Variants in GREB1L observed in about 807,000 individuals in gnomAD.
GREB1L encodes GREB1 like retinoic acid receptor coactivator.
GREB1L carries 17 observed loss-of-function variants against 200.8 expected under a neutral mutation model. That is an observed-to-expected ratio of 0.08 (90% CI 0.06 to 0.13). The LOEUF (loss-of-function observed/expected upper bound fraction) is 0.13, where lower values mean the gene tolerates loss of function less well. Among genes scored for constraint, GREB1L ranks in the 10% least tolerant of loss-of-function variants. The pLI is 1.00. For synonymous variants in GREB1L, 789 were observed against 893.0 expected (o/e 0.88, Z 2.08); for missense variants, 1,657 against 2,367.7 (o/e 0.70, Z 6.23).
chr18:21,404,070 G>A, intron 7 of GREB1L, 76 bp downstream of exon 7: 1 of 1,288,148 alleles, frequency 7.8e-7, no homozygotes, highest in Non-Finnish European at 1.1e-6. Context: ...TATACTTACT[G>A]CTGGCTGGTT....
chr18:21,476,671 C>A (rs533628973), intron 16 of GREB1L, among the ~76,000 whole-genome samples: 1 of 152,080 alleles, frequency 6.6e-6, no homozygotes, highest in South Asian at 2.1e-4. Flanking sequence ...CTGGTTCAAG[C>A]AATTCTCCTG....
intron 15 of GREB1L, among the ~76,000 whole-genome samples, chr18:21,465,906 C>T (rs1317781195): frequency 6.6e-6 from 1 of 152,178 alleles, no homozygotes; most frequent in Non-Finnish European, 1.5e-5. Flanking sequence ...TAATGTCCCT[C>T]TCTTTTCAAA....
intron 1 of GREB1L, among the ~76,000 whole-genome samples, chr18:21,279,631 ATGGGGTCTTGCTGTGTTCATTTTAAGAGG>A (rs1247057479): frequency 6.6e-6 from 1 of 152,164 alleles, no homozygotes; most frequent in African/African-American, 2.4e-5. Flanking sequence ...TCTTAAAGAA[ATGGGGTCTTGCTGTGTTCATTTTAAGAGG>A]TGGGGTCTTG....
At chr18:21,262,510 T>C (rs1412835218) in intron 1 of GREB1L, among the ~76,000 whole-genome samples, 2 of 152,210 alleles carry the variant, frequency 1.3e-5, no homozygotes, top group Non-Finnish European at 2.9e-5. Context: ...ACTTCTGCTT[T>C]CCCAAACAGT....
intron 1 of GREB1L, among the ~76,000 whole-genome samples, chr18:21,325,813 CA>C (rs60239796): frequency 0.023 from 940 of 41,542 alleles, 1 homozygote; most frequent in African/African-American, 0.028. Context: ...GACCTTGTCT[CA>C]AAAAAAAAAA....
intron 5 of GREB1L, 41 bp downstream of exon 5, chr18:21,395,602 G>T: frequency 7.2e-7 from 1 of 1,386,924 alleles, no homozygotes; most frequent in Non-Finnish European, 9.8e-7. Flanking sequence ...CAATATGAGG[G>T]AGTTAAAATA....
At chr18:21,425,385 G>T (rs2032483827) in intron 7 of GREB1L, among the ~76,000 whole-genome samples, 1 of 152,188 alleles carries the variant, frequency 6.6e-6, no homozygotes, top group Non-Finnish European at 1.5e-5. Flanking sequence ...TTGGCTGGAT[G>T]CGTGTTTTCC....
At chr18:21,384,517 G>A in intron 4 of GREB1L, 114 bp downstream of exon 4, 1 of 793,968 alleles carries the variant, frequency 1.3e-6, no homozygotes, top group Non-Finnish European at 2.0e-6. Flanking sequence ...CGTATGGAGA[G>A]GAATGAGAAA....
rs538596808 is a variant in GREB1L, at chr18:21,433,357, A to G, written c.833-6164A>G. Among the ~76,000 whole-genome samples, 256 of 152,294 alleles carry G rather than the reference A, an allele frequency of 1.7e-3. 2 individuals carry two copies. The highest frequency in any genetic ancestry group is 5.9e-3 in the African/African-American group (247 of 41,562). On this transcript the variant is annotated intron_variant, in intron 7 of 32. Coordinates refer to ENST00000424526, the MANE Select transcript of GREB1L (RefSeq NM_001142966.3). The stretch of plus-strand genomic sequence containing the variant: ...TTTTAAAAATATAAGATGAATTATC[A>G]CTCTTCAAATTAGGGATATGCTAAA...
At chr18:21,504,393 A>T (rs1380807766) in intron 23 of GREB1L, among the ~76,000 whole-genome samples, 1 of 152,198 alleles carries the variant, frequency 6.6e-6, no homozygotes, top group Non-Finnish European at 1.5e-5. Context: ...AACTCTAGCC[A>T]GGTGTGATGG....
intron 7 of GREB1L, 56 bp from the exon 8 acceptor site, chr18:21,439,465 A>G: frequency 9.6e-7 from 1 of 1,038,508 alleles, no homozygotes; most frequent in South Asian, 1.4e-5. Flanking sequence ...AGCATCCCAG[A>G]AAGCAGTGCC....
chr18:21,307,225 A>C (rs2038714755), intron 1 of GREB1L, among the ~76,000 whole-genome samples: 1 of 152,150 alleles, frequency 6.6e-6, no homozygotes, highest in Non-Finnish European at 1.5e-5. Flanking sequence ...GTTCTGCTAC[A>C]TTCTCTCACA....
At chr18:21,356,661 C>T (rs2039509160) in intron 1 of GREB1L, among the ~76,000 whole-genome samples, 1 of 152,144 alleles carries the variant, frequency 6.6e-6, no homozygotes, top group South Asian at 2.1e-4. Context: ...TTCAGGATCC[C>T]AGTATCATTT....
At position 21,454,514 on chromosome 18, in the gene GREB1L, C is replaced by G; in HGVS notation, c.2133C>G (p.Pro711=). The change falls in exon 15 of 33, where the codon CCC becomes CCG. Residue 711 remains proline (P), a synonymous_variant. Coordinates refer to ENST00000424526, the MANE Select transcript of GREB1L (RefSeq NM_001142966.3). ...FSKVDFIIIV[P]RSEVLVQQTL... ...AAGTAGACTTCATCATCATTGTTCC[C>G]AGATCGGAGGTGTTGGTTCAGCAAA... is the stretch of plus-strand genomic sequence containing the variant. 6.4e-7 allele frequency: 1 copy of G among 1,551,618 alleles called. No homozygotes were observed. The highest frequency in any genetic ancestry group is 8.7e-7 in the Non-Finnish European group (1 of 1,146,968).
At chr18:21,486,198 C>G (rs926759061) in intron 18 of GREB1L, among the ~76,000 whole-genome samples, 8 of 151,974 alleles carry the variant, frequency 5.3e-5, no homozygotes, top group African/African-American at 1.9e-4. Flanking sequence ...ACTAAAAATA[C>G]GAAAAATTAG....
At chr18:21,502,359 A>G (rs935351057) in intron 23 of GREB1L, among the ~76,000 whole-genome samples, 7 of 152,080 alleles carry the variant, frequency 4.6e-5, no homozygotes, top group African/African-American at 1.7e-4. Flanking sequence ...AAGTAGAGGC[A>G]ACCAGGCGGA....
intron 1 of GREB1L, among the ~76,000 whole-genome samples, chr18:21,360,247 C>G (rs1382506471): frequency 6.6e-6 from 1 of 152,214 alleles, no homozygotes; most frequent in Admixed American, 6.5e-5. Context: ...GAGACGAAGT[C>G]TCGCTCTGTC....
intron 1 of GREB1L, among the ~76,000 whole-genome samples, chr18:21,345,315 C>T (rs2143108054): frequency 6.6e-6 from 1 of 152,304 alleles, no homozygotes; most frequent in Admixed American, 6.5e-5. Flanking sequence ...TCATCCACCC[C>T]AGTTTGCCTG....
At chr18:21,310,622 G>C (rs1267489214) in intron 1 of GREB1L, among the ~76,000 whole-genome samples, 2 of 152,042 alleles carry the variant, frequency 1.3e-5, no homozygotes, top group African/African-American at 4.8e-5. Context: ...AAACAGTTTT[G>C]ACTTTACCGA....
Sources: gnomAD v4.1 joint callset for allele counts (sites outside exome capture counted in the v4.1 genomes callset) on GRCh38, gnomAD v4.1.1 for gene constraint, MANE v1.5 for transcripts, NCBI Gene and HGNC (gene_info 2026-07-23, HGNC 2026-07-21) for gene names.